SBNO1: variants seen among roughly 807,000 people sequenced by gnomAD.
The protein encoded by SBNO1 is strawberry notch homolog 1, also known as protein strawberry notch homolog 1.
In SBNO1, 23 loss-of-function variants were observed where a neutral mutation model predicts 173.6. The ratio of observed to expected loss-of-function variants is 0.13; its 90% CI spans 0.10 to 0.19. The LOEUF (loss-of-function observed/expected upper bound fraction) is 0.19, where lower values mean the gene tolerates loss of function less well. Among genes scored for constraint, SBNO1 ranks in the 10% least tolerant of loss-of-function variants. The pLI, the probability that SBNO1 is intolerant of heterozygous loss-of-function variation, is 1.00. For synonymous variants in SBNO1, 632 were observed against 571.5 expected (o/e 1.11, Z -1.51); for missense variants, 1,238 against 1,671.2 (o/e 0.74, Z 4.52).
chr12:123,290,905 G>GT lies in SBNO1; in HGVS notation c.*5002dup, dbSNP rs63648160. ...GGCACCCGCCACCACGCCTGGCTAA[G>GT]TTTTTTTTTTTTTTGTATTTTTAGT... On this transcript the variant is annotated 3_prime_UTR_variant, in exon 32 of 32. Coordinates refer to ENST00000602398, the MANE Select transcript of SBNO1 (RefSeq NM_001167856.3). 9,014 of 143,564 alleles carry GT rather than the reference G, an allele frequency of 0.063. 280 individuals carry two copies. The highest frequency in any genetic ancestry group is 0.12 in the South Asian group (521 of 4,496). The allele number at this position is 143,564 out of a possible 1,614,324, so 8.9% of individuals were successfully genotyped here.
intron 2 of SBNO1, chr12:123,348,914 C>T (rs1319969039): frequency 6.7e-6 from 1 of 150,254 alleles, no homozygotes; most frequent in Non-Finnish European, 1.5e-5. Context: ...GAGCCAAGAT[C>T]GTGCCACTGC....
chr12:123,345,498 C>A lies in SBNO1; in HGVS notation c.310G>T (p.Val104Leu), dbSNP rs1319203986. The A allele has an allele frequency of 6.2e-7, 1 of 1,614,068 alleles. No homozygotes were observed. Among genetic ancestry groups the A allele is most frequent in the Non-Finnish European group, 8.5e-7 (1 of 1,179,992 alleles). The change falls in exon 4 of 32, where the codon GTA becomes TTA. Residue 104 changes from valine to leucine, a missense_variant. By Grantham distance (32) the Val-to-Leu change is conservative. Around this residue, in one of 14 missense-constraint regions of SBNO1, gnomAD observed 287 missense variants for 274.1 expected, o/e 1.05. Transcript: ENST00000602398. Reference sequence around the variant, plus strand: ...GTTACAGGTGGTGTTTTAGTCATTACAATTGTAGATCCCAAGGGTGGAAGA... The same window carrying A: ...GTTACAGGTGGTGTTTTAGTCATTAAAATTGTAGATCCCAAGGGTGGAAGA... ...NHLPPLGSTIVMTKTPPVTTN... is the reference protein window; with the variant it reads ...NHLPPLGSTILMTKTPPVTTN...
chr12:123,348,680 G>C (rs1464120878), intron 2 of SBNO1, among the ~76,000 whole-genome samples: 1 of 152,172 alleles, frequency 6.6e-6, no homozygotes, highest in Non-Finnish European at 1.5e-5. Context: ...GCAGGAGAAT[G>C]GCGTGAACCT....
Position 123,327,730 on chromosome 12 carries a change from A to G in SBNO1, c.1515T>C (p.Asp505=), listed in dbSNP as rs1870763154. The change falls in exon 12 of 32, where the codon GAT becomes GAC. Residue 505 remains aspartate (D), a synonymous_variant. Transcript: ENST00000602398. ...GEGTPFREFS[D]FIQAVERRGV... is the part of the protein sequence containing the mutation. Reference sequence around the variant, plus strand: ...ACCTCCGTTCTACTGCTTGAATAAAATCACTGAATTCTCTAAATGGAGTAC... The same window carrying G: ...ACCTCCGTTCTACTGCTTGAATAAAGTCACTGAATTCTCTAAATGGAGTAC... The G allele has an allele frequency of 6.2e-7, 1 of 1,613,666 alleles. No homozygotes were observed. Among genetic ancestry groups the G allele is most frequent in the South Asian group, 1.1e-5 (1 of 91,064 alleles).
chr12:123,341,026 T>G lies in SBNO1; in HGVS notation c.613A>C (p.Ile205Leu). The G allele has an allele frequency of 6.2e-7, 1 of 1,604,058 alleles. No individual in the cohort carries two copies. Among genetic ancestry groups the G allele is most frequent in the Non-Finnish European group, 8.5e-7 (1 of 1,174,608 alleles). ...AAACTCCTCATCTTCATGTCGTTTA[T>G]CCACATTCTAGCTCCTTCTTTATTA... ...SSNKEGARMW[I>L]NDMKMRSFSP... is the part of the protein sequence containing the mutation. The change falls in exon 5 of 32, where the codon ATA becomes CTA. Residue 205 changes from isoleucine to leucine, a missense_variant. Around this residue, in one of 14 missense-constraint regions of SBNO1, gnomAD observed 287 missense variants for 274.1 expected, o/e 1.05. Transcript: ENST00000602398.
chr12:123,300,433 G>A lies in SBNO1; in HGVS notation c.3846-2262C>T, dbSNP rs1245485568. Among the ~76,000 whole-genome samples the A allele has an allele frequency of 3.3e-5, 5 of 151,490 alleles. No individual in the cohort carries two copies. In the South Asian group the frequency reaches 6.3e-4, roughly 19 times the overall value. On this transcript the variant is annotated intron_variant, in intron 30 of 31. Coordinates refer to ENST00000602398, the MANE Select transcript of SBNO1 (RefSeq NM_001167856.3). ...AGCACTCTGGGAGGCAGAGGCAGGCGGATCACGAGGTCAGGAGATCAAGAC... is the reference window on the plus strand; with the variant it reads ...AGCACTCTGGGAGGCAGAGGCAGGCAGATCACGAGGTCAGGAGATCAAGAC...
intron 1 of SBNO1, among the ~76,000 whole-genome samples, chr12:123,357,156 T>C (rs1411339073): frequency 2.0e-5 from 3 of 152,156 alleles, no homozygotes; most frequent in African/African-American, 7.2e-5. Flanking sequence ...TCTAAAAGAA[T>C]GTAATCTGGG....
chr12:123,340,907 G>A (rs1408087274), intron 5 of SBNO1, 81 bp downstream of exon 5: 2 of 855,488 alleles, frequency 2.3e-6, no homozygotes, highest in Non-Finnish European at 3.7e-6. Flanking sequence ...AGCTTTCTGA[G>A]GGTTGTTCCA....
chr12:123,302,242 T>A (rs1209838629), intron 30 of SBNO1, among the ~76,000 whole-genome samples: 6 of 137,500 alleles, frequency 4.4e-5, no homozygotes, highest in Admixed American at 1.5e-4. Flanking sequence ...CTTATTGTTT[T>A]TTTTTTTGTT....
At chr12:123,304,194 G>T (rs889970879) in intron 29 of SBNO1, among the ~76,000 whole-genome samples, 1 of 152,026 alleles carries the variant, frequency 6.6e-6, no homozygotes, top group African/African-American at 2.4e-5. Flanking sequence ...GCCTCCCAAA[G>T]TACTAAGATT....
At chr12:123,300,078 T>C (rs888088587) in intron 30 of SBNO1, among the ~76,000 whole-genome samples, 4 of 152,272 alleles carry the variant, frequency 2.6e-5, no homozygotes, top group Admixed American at 2.6e-4. Context: ...ATACCATCAA[T>C]GTTTTCTGGT....
chr12:123,337,278 T>C (rs2079422099), intron 5 of SBNO1, among the ~76,000 whole-genome samples: 1 of 152,284 alleles, frequency 6.6e-6, no homozygotes, highest in African/African-American at 2.4e-5. Context: ...CTCTACAGGA[T>C]CTTAAAGGAA....
At position 123,304,534 on chromosome 12, in the gene SBNO1, C is replaced by A. The variant is rs542831200; in HGVS notation, c.3768+48G>T. 1.3e-4 allele frequency: 183 copies of A among 1,404,946 alleles called. 1 individual carries two copies. In the Middle Eastern group the frequency reaches 2.1e-3, roughly 16 times the overall value. The allele number at this position is 1,404,946 out of a possible 1,614,324, so 87.0% of individuals were successfully genotyped here. The stretch of plus-strand genomic sequence containing the variant: ...TACAGGTGTGAGCCACATTGCCTGG[C>A]CCAAAGTAAGTATTCCTATATAATA... On this transcript the variant is annotated intron_variant, in intron 29 of 31. Coordinates refer to ENST00000602398, the MANE Select transcript of SBNO1 (RefSeq NM_001167856.3).
chr12:123,312,053 T>A (rs1404788665), intron 24 of SBNO1, among the ~76,000 whole-genome samples: 1 of 151,866 alleles, frequency 6.6e-6, no homozygotes, highest in African/African-American at 2.4e-5. Flanking sequence ...ACCTGTAATT[T>A]TAAGAAGTTA....
At chr12:123,308,234 C>T (rs916245208) in intron 28 of SBNO1, among the ~76,000 whole-genome samples, 9 of 152,138 alleles carry the variant, frequency 5.9e-5, no homozygotes, top group African/African-American at 2.2e-4. Flanking sequence ...GATGTGTGCG[C>T]ACACACACCC....
At position 123,293,603 on chromosome 12, in the gene SBNO1, C is replaced by G. The variant is rs1353498337; in HGVS notation, c.*2305G>C. ...TCCATTTTGAGAGGGCTTTCAGAGG[C>G]CTTTTTAATGAGAAAAAAAAATAGC... On this transcript the variant is annotated 3_prime_UTR_variant, in exon 32 of 32. Coordinates refer to ENST00000602398, the MANE Select transcript of SBNO1 (RefSeq NM_001167856.3). The G allele has an allele frequency of 1.3e-5, 2 of 151,914 alleles. No homozygotes were observed. The highest frequency in any genetic ancestry group is 2.9e-5 in the Non-Finnish European group (2 of 67,998). 9.4% of individuals were successfully genotyped at this position (151,914 alleles called of 1,614,324 possible). A position where few individuals can be genotyped will look rare whatever the true frequency, so the allele number is the denominator to read the frequency against.
chr12:123,325,740 TTTC>T (rs1482147809), intron 14 of SBNO1, 141 bp from the exon 15 acceptor site: 4 of 681,026 alleles, frequency 5.9e-6, no homozygotes, highest in South Asian at 1.9e-5. Flanking sequence ...GTTTTACTTA[TTTC>T]TTCTACATAT....
intron 7 of SBNO1, among the ~76,000 whole-genome samples, chr12:123,332,272 C>A (rs1192741114): frequency 6.6e-6 from 1 of 152,132 alleles, no homozygotes; most frequent in Admixed American, 6.6e-5. Flanking sequence ...CCTGCAGAAT[C>A]AAACAGGTTT....
intron 3 of SBNO1, among the ~76,000 whole-genome samples, chr12:123,347,730 T>C (rs977014420): frequency 6.6e-5 from 10 of 152,048 alleles, no homozygotes; most frequent in African/African-American, 1.9e-4. Flanking sequence ...AGATGGAGTT[T>C]CACCATGTTG....
Sources: allele counts gnomAD v4.1 joint callset (sites outside exome capture counted in the v4.1 genomes callset), GRCh38; gene constraint gnomAD v4.1.1; regional missense constraint gnomAD v4.1.1; transcripts MANE v1.5; gene names NCBI Gene and HGNC (gene_info 2026-07-23, HGNC 2026-07-21).